The following ARHGAP15 variants were observed in gnomAD, a reference collection of about 807,000 sequenced individuals.
ARHGAP15 encodes rho GTPase-activating protein 15.
ARHGAP15 carries 51 observed loss-of-function variants against 63.7 expected under a neutral mutation model. The observed-to-expected ratio is 0.80, with a 90% CI of 0.64 to 1.01. The LOEUF is 1.01. Among genes scored for constraint, ARHGAP15 ranks in the 50% least tolerant of loss-of-function variants. The probability of loss-of-function intolerance (pLI) is 0.00; values close to 1 mark genes in which losing one functional copy is unlikely to be tolerated. For synonymous variants in ARHGAP15, 191 were observed against 193.8 expected, an observed-to-expected ratio of 0.99 and a Z score of 0.12; for missense variants, 560 against 564.6, an observed-to-expected ratio of 0.99 and a Z score of 0.08.
At chr2:143,273,275 T>TA (rs983880855) in intron 6 of ARHGAP15, among the ~76,000 whole-genome samples, 180 of 151,702 alleles carry the variant, frequency 1.2e-3, no homozygotes, top group African/African-American at 3.9e-3. Flanking sequence ...ACAAATTAGT[T>TA]AAAAAAAAAT....
At chr2:143,430,158 AAG>A (rs1297703784) in intron 6 of ARHGAP15, among the ~76,000 whole-genome samples, 4 of 150,154 alleles carry the variant, frequency 2.7e-5, no homozygotes, top group African/African-American at 7.3e-5. Flanking sequence ...GCATTTTAAT[AAG>A]AGAGTTGCCA....
At position 143,236,014 on chromosome 2, in the gene ARHGAP15, G is replaced by T; in HGVS notation, c.384+7346G>T. The T allele has an allele frequency of 3.3e-6, 5 of 1,536,612 alleles. No individual in the cohort carries two copies. The South Asian group carries it at 6.1e-5, about 19-fold the overall frequency. ...GGGATTTGGCAAATCTCCATTTTTGGTTAAACAAAACCCATTTGATGGATT... is the reference window on the plus strand; with the variant it reads ...GGGATTTGGCAAATCTCCATTTTTGTTTAAACAAAACCCATTTGATGGATT... On this transcript the variant is annotated intron_variant, in intron 5 of 13. Transcript: ENST00000295095.
intron 12 of ARHGAP15, among the ~76,000 whole-genome samples, chr2:143,671,518 T>C (rs1002823955): frequency 1.1e-4 from 16 of 152,216 alleles, no homozygotes; most frequent in Admixed American, 5.9e-4. Context: ...ATTTTAGATA[T>C]TGTTTTATCT....
chr2:143,555,529 G>C (rs1485526615), intron 10 of ARHGAP15, among the ~76,000 whole-genome samples: 2 of 151,776 alleles, frequency 1.3e-5, no homozygotes, highest in East Asian at 3.9e-4. Context: ...TTCCCTTTTC[G>C]TTTTCCTGTT....
intron 8 of ARHGAP15, among the ~76,000 whole-genome samples, chr2:143,445,946 A>G (rs1690117324): frequency 6.6e-6 from 1 of 151,958 alleles, no homozygotes; most frequent in South Asian, 2.1e-4. Context: ...GCTTATTTGT[A>G]AAAATCCAGT....
intron 10 of ARHGAP15, among the ~76,000 whole-genome samples, chr2:143,523,242 G>A (rs894273150): frequency 3.9e-5 from 6 of 152,034 alleles, no homozygotes; most frequent in Admixed American, 2.0e-4. Flanking sequence ...AGACACACAC[G>A]GTTATGTATG....
intron 6 of ARHGAP15, among the ~76,000 whole-genome samples, chr2:143,426,156 G>A (rs549662007): frequency 6.6e-5 from 10 of 152,208 alleles, no homozygotes; most frequent in Non-Finnish European, 1.2e-4. Context: ...GAGGGGCACT[G>A]TTTATGTCTG....
chr2:143,133,890 C>T (rs536987798), intron 1 of ARHGAP15, among the ~76,000 whole-genome samples: 5 of 152,012 alleles, frequency 3.3e-5, no homozygotes, highest in Non-Finnish European at 7.4e-5. Flanking sequence ...CATAACTGCA[C>T]GCACCTCTCC....
chr2:143,260,750 T>C (rs915047148), intron 6 of ARHGAP15, among the ~76,000 whole-genome samples: 3 of 152,196 alleles, frequency 2.0e-5, no homozygotes, highest in Non-Finnish European at 4.4e-5. Flanking sequence ...TGTTACTAGC[T>C]ATTTCTACCA....
chr2:143,593,735 A>G (rs1342192261), intron 11 of ARHGAP15, among the ~76,000 whole-genome samples: 1 of 152,238 alleles, frequency 6.6e-6, no homozygotes, highest in Non-Finnish European at 1.5e-5. Flanking sequence ...AAAACTATTT[A>G]TTGAGTGCTA....
At chr2:143,518,254 C>A (rs538880919) in intron 9 of ARHGAP15, among the ~76,000 whole-genome samples, 100 of 152,322 alleles carry the variant, frequency 6.6e-4, no homozygotes, top group South Asian at 1.2e-3. Flanking sequence ...TGTGCAAGCA[C>A]TGGTGAAGAC....
chr2:143,634,579 G>A (rs1422693716), intron 12 of ARHGAP15, among the ~76,000 whole-genome samples: 1 of 152,032 alleles, frequency 6.6e-6, no homozygotes, highest in African/African-American at 2.4e-5. Flanking sequence ...TTAGTTAACA[G>A]TCTCAGAGGA....
chr2:143,288,138 T>A (rs372477525), intron 6 of ARHGAP15, among the ~76,000 whole-genome samples: 2 of 152,182 alleles, frequency 1.3e-5, no homozygotes, highest in Admixed American at 1.3e-4. Flanking sequence ...AAGTGCCATG[T>A]GATTCAATAG....
At chr2:143,346,236 T>TCACA (rs1050451199) in intron 6 of ARHGAP15, among the ~76,000 whole-genome samples, 1,272 of 82,266 alleles carry the variant, frequency 0.015, 24 homozygotes, top group African/African-American at 0.059. Flanking sequence ...ACACTCTCTC[T>TCACA]CACACACACA....
intron 12 of ARHGAP15, among the ~76,000 whole-genome samples, chr2:143,633,629 T>G (rs1275835224): frequency 1.3e-5 from 2 of 152,100 alleles, no homozygotes; most frequent in African/African-American, 4.8e-5. Flanking sequence ...CCTTCATGAG[T>G]CAGCTTCCCT....
chr2:143,361,888 C>T (rs1686071274), intron 6 of ARHGAP15, among the ~76,000 whole-genome samples: 1 of 152,164 alleles, frequency 6.6e-6, no homozygotes, highest in Non-Finnish European at 1.5e-5. Context: ...CTCTATGAAT[C>T]CCAATAGCCT....
chr2:143,600,754 C>T (rs962854699), intron 11 of ARHGAP15, among the ~76,000 whole-genome samples: 8 of 152,076 alleles, frequency 5.3e-5, no homozygotes, highest in African/African-American at 1.7e-4. Context: ...ACGATGGTAC[C>T]GGCTACTGTA....
intron 10 of ARHGAP15, among the ~76,000 whole-genome samples, chr2:143,538,027 C>T (rs1188625077): frequency 6.6e-6 from 1 of 152,182 alleles, no homozygotes; most frequent in African/African-American, 2.4e-5. Context: ...AATATTCTTC[C>T]ATTTGTTTGT....
intron 12 of ARHGAP15, among the ~76,000 whole-genome samples, chr2:143,654,802 T>C (rs1279029614): frequency 6.6e-6 from 1 of 152,192 alleles, no homozygotes; most frequent in African/African-American, 2.4e-5. Context: ...CTTGAATATA[T>C]GGAAATTAAT....
Sources: allele counts gnomAD v4.1 joint callset (sites outside exome capture counted in the v4.1 genomes callset), GRCh38; gene constraint gnomAD v4.1.1; transcripts MANE v1.5; gene names NCBI Gene and HGNC (gene_info 2026-07-23, HGNC 2026-07-21).